SPAG17: variants seen among roughly 807,000 people sequenced by gnomAD.
The protein encoded by SPAG17 is sperm-associated antigen 17.
In SPAG17, 169 loss-of-function variants were observed where a neutral mutation model predicts 273.6. The ratio of observed to expected loss-of-function variants is 0.62; its 90% confidence interval spans 0.55 to 0.70. The LOEUF (loss-of-function observed/expected upper bound fraction) is 0.70. SPAG17 is among the 30% of genes least tolerant of loss of function. The probability of loss-of-function intolerance (pLI) is 0.00; values close to 1 mark genes in which losing one functional copy is unlikely to be tolerated. For missense variants in SPAG17, 2,557 were observed against 2,627.8 expected (o/e 0.97, Z 0.59); for synonymous variants, 825 against 873.2 (o/e 0.94, Z 0.97).
At chr1:118,126,330 C>T (rs893335904) in intron 3 of SPAG17, among the ~76,000 whole-genome samples, 6 of 150,452 alleles carry the variant, frequency 4.0e-5, no homozygotes, top group South Asian at 2.1e-4. Flanking sequence ...TTTAGTCTCC[C>T]GAGTAGCTGG....
intron 10 of SPAG17, among the ~76,000 whole-genome samples, chr1:118,088,947 T>TCA (rs1655183311): frequency 6.6e-6 from 1 of 152,206 alleles, no homozygotes; most frequent in South Asian, 2.1e-4. Context: ...AAATATGTAT[T>TCA]TAGTGTCTAC....
At chr1:118,133,331 G>A (rs138818407) in intron 3 of SPAG17, among the ~76,000 whole-genome samples, 1 of 152,142 alleles carries the variant, frequency 6.6e-6, no homozygotes, top group African/African-American at 2.4e-5. Flanking sequence ...CGTTGAGGAG[G>A]GCAATCCCCC....
intron 46 of SPAG17, among the ~76,000 whole-genome samples, chr1:117,969,749 T>C (rs1244997152): frequency 6.6e-6 from 1 of 152,208 alleles, no homozygotes; most frequent in African/African-American, 2.4e-5. Context: ...AAGGTAGTTT[T>C]TATACAATGG....
chr1:118,030,938 A>G (rs1466108393), intron 25 of SPAG17, among the ~76,000 whole-genome samples: 1 of 152,066 alleles, frequency 6.6e-6, no homozygotes, highest in East Asian at 1.9e-4. Context: ...ATGATTTATA[A>G]TCCTTTGGGT....
chr1:118,163,375 ACTGT>A (rs1337808542), intron 1 of SPAG17, among the ~76,000 whole-genome samples: 2 of 152,180 alleles, frequency 1.3e-5, no homozygotes, highest in East Asian at 3.9e-4. Flanking sequence ...CTGCTTGTCC[ACTGT>A]CTGTCTATGT....
At chr1:118,028,779 G>A (rs755664689) in intron 25 of SPAG17, among the ~76,000 whole-genome samples, 5 of 152,258 alleles carry the variant, frequency 3.3e-5, no homozygotes, top group Middle Eastern at 3.4e-3. Context: ...ATCCAAACTC[G>A]TATGTTGGAA....
chr1:118,098,572 C>T (rs1228729333), intron 6 of SPAG17, among the ~76,000 whole-genome samples: 1 of 151,996 alleles, frequency 6.6e-6, no homozygotes, highest in Non-Finnish European at 1.5e-5. Flanking sequence ...TTTCTCACTT[C>T]AATAATAAAC....
intron 3 of SPAG17, among the ~76,000 whole-genome samples, chr1:118,132,586 C>T (rs1302263032): frequency 2.6e-5 from 4 of 152,128 alleles, no homozygotes. Context: ...CCCCCTCTAG[C>T]TTTGTGTAAT....
chr1:118,041,809 A>C lies in SPAG17; in HGVS notation c.3048T>G (p.Thr1016=). 12 of 1,608,350 alleles carry C rather than the reference A, an allele frequency of 7.5e-6. No homozygotes were observed. Among genetic ancestry groups the C allele is most frequent in the Non-Finnish European group, 1.0e-5 (12 of 1,178,506 alleles). The change falls in exon 21 of 49, where the codon ACT becomes ACG. Residue 1016 remains threonine, a synonymous_variant. Coordinates refer to ENST00000336338, the MANE Select transcript of SPAG17 (RefSeq NM_206996.4). ...TTACAGAATTGGAGTTTACCGGGTA[A>C]GTTATCTTAGGTTCTGGTTGGTGGG... The part of the protein sequence containing the change: ...ESPHQPEPKI[T]YPFHGYNMGN...
At chr1:117,989,256 G>A (rs1656791736) in intron 38 of SPAG17, among the ~76,000 whole-genome samples, 1 of 152,052 alleles carries the variant, frequency 6.6e-6, no homozygotes, top group South Asian at 2.1e-4. Flanking sequence ...AGGTTTCTTT[G>A]GCTCACAATT....
intron 36 of SPAG17, among the ~76,000 whole-genome samples, chr1:117,991,732 C>G (rs770442732): frequency 4.6e-5 from 7 of 152,164 alleles, no homozygotes; most frequent in Non-Finnish European, 1.0e-4. Flanking sequence ...AAAAGCAAAG[C>G]TTTAAGGGCC....
chr1:118,066,899 C>A lies in SPAG17; in HGVS notation c.2386G>T (p.Val796Phe), dbSNP rs778167554. 19 of 1,596,738 alleles carry A rather than the reference C, an allele frequency of 1.2e-5. No individual in the cohort carries two copies. The South Asian group carries it at 1.8e-4, about 15-fold the overall frequency. ...EHFKPKVLLQ[V>F]LQEAHKQYRC... ...TATTGCTTATGGGCTTCTTGAAGGA[C>A]CTGAAAATCAAAATAATTGCATTGT... The change falls in exon 18 of 49, where the codon GTC becomes TTC. Residue 796 changes from valine to phenylalanine, a missense_variant and splice_region_variant. Transcript: ENST00000336338.
Position 118,081,433 on chromosome 1 carries a change from C to G in SPAG17, c.1972G>C (p.Glu658Gln). 1.2e-6 allele frequency: 2 copies of G among 1,613,798 alleles called. No individual in the cohort carries two copies. The highest frequency in any genetic ancestry group is 8.5e-7 in the Non-Finnish European group (1 of 1,179,976). Residue 658 changes from glutamate to glutamine, a missense_variant, in exon 14 of 49, where the codon GAG becomes CAG. Physicochemically the swap from Glu to Gln is conservative, Grantham distance 29. Coordinates refer to ENST00000336338, the MANE Select transcript of SPAG17 (RefSeq NM_206996.4). Reference sequence around the variant, plus strand: ...AGTGTACCTGCTTTCTGCTTGGCCTCTTGAGTATTCATTTTCATGACATAT... The same window carrying G: ...AGTGTACCTGCTTTCTGCTTGGCCTGTTGAGTATTCATTTTCATGACATAT... ...QQYVMKMNTQ[E>Q]AKQKADIKIK...
At chr1:118,039,226 A>G (rs1475173554) in intron 23 of SPAG17, 66 bp downstream of exon 23, 8 of 1,500,720 alleles carry the variant, frequency 5.3e-6, no homozygotes, top group South Asian at 5.1e-5. Context: ...CATTCATTTA[A>G]TGGAGTGGAG....
intron 3 of SPAG17, among the ~76,000 whole-genome samples, chr1:118,148,704 A>G (rs909759386): frequency 3.3e-5 from 5 of 152,216 alleles, no homozygotes; most frequent in Non-Finnish European, 7.3e-5. Flanking sequence ...TGGTACAACC[A>G]TGCAAGATTC....
At chr1:118,160,025 G>T (rs988354775) in intron 1 of SPAG17, among the ~76,000 whole-genome samples, 2 of 152,098 alleles carry the variant, frequency 1.3e-5, no homozygotes, top group African/African-American at 4.8e-5. Flanking sequence ...AGCTTCTTTG[G>T]GTTTTGAAAC....
chr1:118,085,865 G>C, intron 13 of SPAG17, 57 bp downstream of exon 13: 1 of 1,475,826 alleles, frequency 6.8e-7, no homozygotes, highest in South Asian at 1.3e-5. Flanking sequence ...AATTTTAAGA[G>C]GCATATATGA....
chr1:117,992,405 C>A, intron 36 of SPAG17, 61 bp downstream of exon 36: 3 of 1,469,832 alleles, frequency 2.0e-6, no homozygotes, highest in South Asian at 2.8e-5. Flanking sequence ...TCTTAGGAAA[C>A]CAAAAGCAAT....
chr1:117,958,304 C>T (rs541953310), intron 48 of SPAG17, among the ~76,000 whole-genome samples: 1 of 152,220 alleles, frequency 6.6e-6, no homozygotes, highest in Admixed American at 6.5e-5. Flanking sequence ...TTTGGGGCAA[C>T]TTGTAAAGAC....
Sources: gnomAD v4.1 joint callset for allele counts (sites outside exome capture counted in the v4.1 genomes callset) on GRCh38, gnomAD v4.1.1 for gene constraint, MANE v1.5 for transcripts, NCBI Gene and HGNC (gene_info 2026-07-23, HGNC 2026-07-21) for gene names.